MYT1L: variants seen among roughly 807,000 people sequenced by gnomAD.
The protein encoded by MYT1L is myelin transcription factor 1-like protein.
In MYT1L, 12 loss-of-function variants were observed where a neutral mutation model predicts 126.7. The ratio of observed to expected loss-of-function variants is 0.09; its 90% CI spans 0.06 to 0.15. The LOEUF (loss-of-function observed/expected upper bound fraction) is 0.15. Among genes scored for constraint, MYT1L ranks in the 10% least tolerant of loss-of-function variants. The probability of loss-of-function intolerance (pLI) is 1.00; values close to 1 mark genes in which losing one functional copy is unlikely to be tolerated. For synonymous variants in MYT1L, 541 were observed against 604.2 expected (o/e 0.90, Z 1.53); for missense variants, 979 against 1,585.2 (o/e 0.62, Z 6.49).
At chr2:2,162,357 G>C (rs2088137279) in intron 3 of MYT1L, among the ~76,000 whole-genome samples, 1 of 152,084 alleles carries the variant, frequency 6.6e-6, no homozygotes, top group African/African-American at 2.4e-5. Context: ...AGAGAAAAGG[G>C]ATCGGGTAGT....
chr2:2,294,602 A>T (rs1358883300), intron 1 of MYT1L, among the ~76,000 whole-genome samples: 1 of 152,054 alleles, frequency 6.6e-6, no homozygotes, highest in Non-Finnish European at 1.5e-5. Flanking sequence ...AGTTGAAATT[A>T]CCTCATTCTA....
At chr2:1,879,549 G>GT (rs1486165203) in intron 18 of MYT1L, among the ~76,000 whole-genome samples, 12 of 152,076 alleles carry the variant, frequency 7.9e-5, no homozygotes, top group Non-Finnish European at 1.5e-4. Context: ...CTCAAACAAT[G>GT]TAACATGTCT....
intron 13 of MYT1L, among the ~76,000 whole-genome samples, chr2:1,905,037 C>T (rs1573434258): frequency 6.6e-6 from 1 of 151,832 alleles, no homozygotes; most frequent in South Asian, 2.1e-4. Flanking sequence ...ACCTCGTGAT[C>T]CACCCACCGC....
intron 1 of MYT1L, among the ~76,000 whole-genome samples, chr2:2,313,652 G>A (rs1371869202): frequency 1.3e-5 from 2 of 152,000 alleles, no homozygotes; most frequent in African/African-American, 4.8e-5. Flanking sequence ...AGTGCCAAGG[G>A]TGTGGCTATA....
At chr2:1,892,458 A>C (rs1473817117) in intron 14 of MYT1L, among the ~76,000 whole-genome samples, 171 bp from the exon 15 acceptor site, 13 of 152,042 alleles carry the variant, frequency 8.6e-5, no homozygotes, top group Non-Finnish European at 1.5e-5. Flanking sequence ...AACGAAAACA[A>C]AACAAAACTT....
intron 23 of MYT1L, among the ~76,000 whole-genome samples, chr2:1,797,272 TC>T (rs944642236): frequency 6.6e-6 from 1 of 152,080 alleles, no homozygotes; most frequent in African/African-American, 2.4e-5. Flanking sequence ...TTTTTTCTTT[TC>T]CCGCCCATGG....
rs754052546 is a variant in MYT1L, at chr2:1,892,205, G to A, written c.2115C>T (p.Cys705=). The change falls in exon 15 of 25, where the codon TGC becomes TGT. Residue 705 remains cysteine, a synonymous_variant. Transcript: ENST00000647738. ...TGCTGCTGGCGCTGCTGCCCCCGCC[G>A]CAGCTCAGGTTGCTGCTGCTGCTGG... The part of the protein sequence containing the change: ...YAPSSSSNLS[C]GGGSSASSTC... 34 of 1,550,014 alleles carry A rather than the reference G, an allele frequency of 2.2e-5. No individual in the cohort carries two copies. The highest frequency in any genetic ancestry group is 3.0e-5 in the Non-Finnish European group (34 of 1,146,602).
At chr2:1,987,525 C>T (rs2061138073) in intron 5 of MYT1L, among the ~76,000 whole-genome samples, 1 of 152,126 alleles carries the variant, frequency 6.6e-6, no homozygotes, top group South Asian at 2.1e-4. Flanking sequence ...AGTCTGGGGC[C>T]CTCATGCCCA....
At chr2:2,015,227 G>T (rs1053959783) in intron 4 of MYT1L, among the ~76,000 whole-genome samples, 1 of 152,208 alleles carries the variant, frequency 6.6e-6, no homozygotes, top group East Asian at 1.9e-4. Flanking sequence ...CACGGCCTCC[G>T]AGGAGTCTCT....
chr2:1,847,427 C>T (rs1410086322), intron 19 of MYT1L, among the ~76,000 whole-genome samples: 2 of 152,118 alleles, frequency 1.3e-5, no homozygotes, highest in Non-Finnish European at 2.9e-5. Context: ...AACTCCAGGG[C>T]CCTTGGAGCT....
intron 2 of MYT1L, among the ~76,000 whole-genome samples, chr2:2,202,058 G>A (rs928343754): frequency 3.9e-5 from 6 of 152,138 alleles, no homozygotes; most frequent in African/African-American, 1.4e-4. Context: ...AAATAAAGAT[G>A]TTCTTTGAAA....
chr2:1,844,217 C>T (rs2042208833), intron 19 of MYT1L, among the ~76,000 whole-genome samples: 1 of 152,194 alleles, frequency 6.6e-6, no homozygotes, highest in Admixed American at 6.5e-5. Flanking sequence ...GCTTCCCCTT[C>T]AGCACTGAAC....
At position 1,924,536 on chromosome 2, in the gene MYT1L, T is replaced by G. The variant is rs118116259; in HGVS notation, c.506-1273A>C. On this transcript the variant is annotated intron_variant, in intron 9 of 24. Transcript: ENST00000647738. ...GAGATATGGGGGCTCTGGTGTTTTC[T>G]CTATGGATTTTATGCAGAAAAGGTT... Among the ~76,000 whole-genome samples the G allele has an allele frequency of 8.7e-4, 133 of 152,324 alleles. 3 individuals carry two copies. In the East Asian group the frequency reaches 0.021, roughly 24 times the overall value.
chr2:2,271,212 A>G (rs955537839), intron 2 of MYT1L, among the ~76,000 whole-genome samples: 1 of 152,154 alleles, frequency 6.6e-6, no homozygotes, highest in East Asian at 1.9e-4. Flanking sequence ...TGCCAACAAC[A>G]TGGATTTTTA....
At chr2:1,972,097 A>G (rs1374852353) in intron 8 of MYT1L, among the ~76,000 whole-genome samples, 1 of 152,170 alleles carries the variant, frequency 6.6e-6, no homozygotes, top group African/African-American at 2.4e-5. Context: ...AATGAAGGAG[A>G]GCTATTTATT....
intron 21 of MYT1L, among the ~76,000 whole-genome samples, chr2:1,826,270 G>C (rs2039322064): frequency 6.6e-6 from 1 of 152,232 alleles, no homozygotes; most frequent in African/African-American, 2.4e-5. Context: ...TCGGGCATGG[G>C]ACACAGTTCG....
chr2:2,248,390 A>G (rs2094574222), intron 2 of MYT1L, among the ~76,000 whole-genome samples: 1 of 152,120 alleles, frequency 6.6e-6, no homozygotes, highest in Non-Finnish European at 1.5e-5. Flanking sequence ...CGTAGTAAAA[A>G]GTCTAGTAAA....
At chr2:2,013,023 A>G (rs1264078805) in intron 4 of MYT1L, among the ~76,000 whole-genome samples, 2 of 152,232 alleles carry the variant, frequency 1.3e-5, no homozygotes, top group Non-Finnish European at 2.9e-5. Flanking sequence ...GGCACTATCC[A>G]TGGTTTCAGG....
chr2:1,827,941 CA>C (rs2148231716), intron 21 of MYT1L: 1 of 152,382 alleles, frequency 6.6e-6, no homozygotes, highest in Non-Finnish European at 1.5e-5. Context: ...AGATGAGCTG[CA>C]TGCTTGCTGT....
Sources: allele counts gnomAD v4.1 joint callset (sites outside exome capture counted in the v4.1 genomes callset), GRCh38; gene constraint gnomAD v4.1.1; transcripts MANE v1.5; gene names NCBI Gene and HGNC (gene_info 2026-07-23, HGNC 2026-07-21).